LINGO2: variants seen among roughly 807,000 people sequenced by gnomAD.
LINGO2 encodes leucine-rich repeat and immunoglobulin-like domain-containing nogo receptor-interacting protein 2.
Under a neutral mutation model 30.6 loss-of-function variants are expected in LINGO2, and 14 were observed. The ratio of observed to expected loss-of-function variants is 0.46; its 90% CI spans 0.30 to 0.72. The LOEUF (loss-of-function observed/expected upper bound fraction) is 0.72, where lower values mean the gene tolerates loss of function less well. Among genes scored for constraint, LINGO2 ranks in the 30% least tolerant of loss-of-function variants. The pLI, the probability that LINGO2 is intolerant of heterozygous loss-of-function variation, is 0.07. For missense variants in LINGO2, 729 were observed against 751.7 expected (o/e 0.97, Z 0.35); for synonymous variants, 317 against 288.5 (o/e 1.10, Z -1.00).
chr9:28,553,233 G>C (rs958346268), intron 1 of LINGO2, among the ~76,000 whole-genome samples: 1 of 152,014 alleles, frequency 6.6e-6, no homozygotes, highest in Non-Finnish European at 1.5e-5. Flanking sequence ...CAAAGACAAA[G>C]AAGTTGAAAA....
chr9:28,776,966 C>T, the LINGO2 span, among the ~76,000 whole-genome samples: 2 of 151,988 alleles, frequency 1.3e-5, no homozygotes, highest in Non-Finnish European at 2.9e-5. Context: ...GGATTTCCCC[C>T]TTGCTGTTCT....
At chr9:28,161,343 C>T (rs1218896380) in intron 4 of LINGO2, among the ~76,000 whole-genome samples, 3 of 151,864 alleles carry the variant, frequency 2.0e-5, no homozygotes, top group African/African-American at 7.3e-5. Flanking sequence ...TAATGGTTGG[C>T]AATGAAATTT....
chr9:28,445,316 G>C (rs1000122798), intron 2 of LINGO2, among the ~76,000 whole-genome samples: 11 of 152,084 alleles, frequency 7.2e-5, no homozygotes, highest in African/African-American at 2.7e-4. Context: ...TTGTCCCAAA[G>C]GGCTGGAGAT....
rs1046501596 is a variant in LINGO2, at chr9:28,050,772, A to G, written c.-86-38367T>C. 1.3e-5 allele frequency among the ~76,000 whole-genome samples: 2 copies of G among 150,902 alleles called. 1 individual carries two copies. Among genetic ancestry groups the G allele is most frequent in the Admixed American group, 1.3e-4 (2 of 15,024 alleles). On this transcript the variant is annotated intron_variant, in intron 4 of 5. Transcript: ENST00000379992. ...AGCATGCCATGATGTCTACAACTTA[A>G]AATATTCATGTAATTCATACATGTT...
At chr9:28,201,858 A>G (rs1195070024) in intron 4 of LINGO2, among the ~76,000 whole-genome samples, 1 of 151,496 alleles carries the variant, frequency 6.6e-6, no homozygotes, top group Non-Finnish European at 1.5e-5. Flanking sequence ...TCATAAGAGA[A>G]CTCAGAATAA....
intron 4 of LINGO2, among the ~76,000 whole-genome samples, chr9:28,022,076 TTA>T (rs1484290742): frequency 1.3e-5 from 2 of 151,990 alleles, no homozygotes; most frequent in African/African-American, 2.4e-5. Flanking sequence ...AGTTGAATAT[TTA>T]TATGATTCAA....
intron 1 of LINGO2, among the ~76,000 whole-genome samples, chr9:28,483,592 G>C (rs913251614): frequency 6.6e-6 from 1 of 151,876 alleles, no homozygotes; most frequent in Non-Finnish European, 1.5e-5. Context: ...ATGGTAGCTT[G>C]AGTCACATTC....
the LINGO2 span, among the ~76,000 whole-genome samples, chr9:28,691,281 T>A: frequency 6.6e-6 from 1 of 152,188 alleles, no homozygotes; most frequent in African/African-American, 2.4e-5. Flanking sequence ...CTTAACATCC[T>A]CAAATCACAT....
At chr9:28,352,170 GAAAT>G (rs1340693389) in intron 3 of LINGO2, among the ~76,000 whole-genome samples, 1 of 151,810 alleles carries the variant, frequency 6.6e-6, no homozygotes, top group African/African-American at 2.4e-5. Flanking sequence ...GCAGGAGAAG[GAAAT>G]AAAGGGTATT....
chr9:28,867,188 A>C, the LINGO2 span, among the ~76,000 whole-genome samples: 1 of 152,270 alleles, frequency 6.6e-6, no homozygotes, highest in East Asian at 1.9e-4. Flanking sequence ...CAAGTTCAGA[A>C]GGAAGCCTGC....
chr9:28,712,421 C>T, the LINGO2 span, among the ~76,000 whole-genome samples: 3 of 150,946 alleles, frequency 2.0e-5, no homozygotes, highest in Non-Finnish European at 4.4e-5. Context: ...TTAGGGAGCC[C>T]AAGCCTAGGG....
chr9:28,861,266 T>TATATA, the LINGO2 span, among the ~76,000 whole-genome samples: 9 of 122,986 alleles, frequency 7.3e-5, no homozygotes, highest in Non-Finnish European at 9.6e-5. Context: ...TTATATAAAA[T>TATATA]ATATAATATT....
chr9:28,899,560 T>C, the LINGO2 span, among the ~76,000 whole-genome samples: 1 of 152,172 alleles, frequency 6.6e-6, no homozygotes, highest in African/African-American at 2.4e-5. Context: ...CTTGCATCCC[T>C]AGCCATCAGG....
At chr9:28,816,413 TTTTA>T in the LINGO2 span, among the ~76,000 whole-genome samples, 1 of 152,206 alleles carries the variant, frequency 6.6e-6, no homozygotes, top group Non-Finnish European at 1.5e-5. Flanking sequence ...AATTGCTATT[TTTTA>T]TCAACCTCAT....
At chr9:27,998,967 G>A (rs1260031578) in intron 5 of LINGO2, among the ~76,000 whole-genome samples, 2 of 152,106 alleles carry the variant, frequency 1.3e-5, no homozygotes, top group African/African-American at 2.4e-5. Flanking sequence ...TACAGAAGGT[G>A]CAGATTAGGG....
intron 3 of LINGO2, among the ~76,000 whole-genome samples, chr9:28,333,200 G>T (rs1459406283): frequency 6.6e-6 from 1 of 152,194 alleles, no homozygotes; most frequent in Non-Finnish European, 1.5e-5. Flanking sequence ...CCATGTCTTT[G>T]TGTTTTAACA....
the LINGO2 span, among the ~76,000 whole-genome samples, chr9:28,917,647 C>A: frequency 3.3e-5 from 5 of 151,888 alleles, no homozygotes; most frequent in African/African-American, 1.2e-4. Flanking sequence ...TCATGTAAAT[C>A]CTTTTCAGTG....
the LINGO2 span, among the ~76,000 whole-genome samples, chr9:28,972,961 G>T: frequency 6.6e-6 from 1 of 151,980 alleles, no homozygotes; most frequent in Non-Finnish European, 1.5e-5. Flanking sequence ...GATGAGATTT[G>T]GGTGAATACA....
chr9:28,626,380 A>T (rs73443354), intron 1 of LINGO2, among the ~76,000 whole-genome samples: 9 of 152,040 alleles, frequency 5.9e-5, no homozygotes, highest in African/African-American at 2.2e-4. Flanking sequence ...AGTATTCTTT[A>T]AGGAAAAAAA....
Sources: gnomAD v4.1 joint callset for allele counts (sites outside exome capture counted in the v4.1 genomes callset) on GRCh38, gnomAD v4.1.1 for gene constraint, MANE v1.5 for transcripts, NCBI Gene and HGNC (gene_info 2026-07-23, HGNC 2026-07-21) for gene names.